CCDC68: variants seen among roughly 807,000 people sequenced by gnomAD.
CCDC68 encodes the protein coiled-coil domain-containing protein 68.
A neutral mutation model predicts 47.1 loss-of-function variants in CCDC68; 45 were observed. That is an observed-to-expected ratio of 0.96 (90% CI 0.75 to 1.23). The LOEUF (loss-of-function observed/expected upper bound fraction) is 1.23, where lower values mean the gene tolerates loss of function less well. Among genes scored for constraint, CCDC68 ranks in the 50% most tolerant of loss-of-function variants. The probability of loss-of-function intolerance (pLI) is 0.00; values close to 1 mark genes in which losing one functional copy is unlikely to be tolerated. For missense variants in CCDC68, 353 were observed against 373.6 expected (o/e 0.94, Z 0.45); for synonymous variants, 131 against 129.5 (o/e 1.01, Z -0.08).
chr18:54,914,224 GGAAA>G (rs1157429051), intron 10 of CCDC68, among the ~76,000 whole-genome samples: 6 of 152,150 alleles, frequency 3.9e-5, no homozygotes, highest in African/African-American at 1.2e-4. Flanking sequence ...CTGCTGTGAA[GGAAA>G]GATTTATCTG....
rs767678984 is a variant in CCDC68, at chr18:54,934,814, G to T, written c.600+6C>A. 2 of 1,512,912 alleles carry T rather than the reference G, an allele frequency of 1.3e-6. No individual in the cohort carries two copies. Among genetic ancestry groups the T allele is most frequent in the South Asian group, 1.4e-5 (1 of 70,930 alleles). The allele number at this position is 1,512,912 out of a possible 1,614,324, so 93.7% of individuals were successfully genotyped here. ...AAGAAAATCCTCTAATTCTCCAGGG[G>T]CGTACCTTTTCCATTCTCTGTACAA... On this transcript the variant is annotated splice_donor_region_variant and intron_variant, in intron 7 of 11. Coordinates refer to ENST00000591504, the MANE Select transcript of CCDC68 (RefSeq NM_025214.3).
rs35449564 is a variant in CCDC68 at position 54,953,551 on chromosome 18, T to TAGAGAGAG, written c.-103+5777_-103+5784dup. ...ACACACACACACACATATATATATA[T>TAGAGAGAG]AGAGAGAGAGAGATACATAGATAGA... is the stretch of plus-strand genomic sequence containing the variant. On this transcript the variant is annotated intron_variant, in intron 1 of 11. Coordinates refer to ENST00000591504, the MANE Select transcript of CCDC68 (RefSeq NM_025214.3). Among the ~76,000 whole-genome samples the TAGAGAGAG allele has an allele frequency of 3.7e-3, 564 of 150,614 alleles. 1 individual carries two copies. Among genetic ancestry groups the TAGAGAGAG allele is most frequent in the African/African-American group, 0.011 (449 of 40,992 alleles).
chr18:54,946,923 C>T (rs889754860), intron 1 of CCDC68, among the ~76,000 whole-genome samples: 1 of 142,086 alleles, frequency 7.0e-6, no homozygotes, highest in Admixed American at 6.9e-5. Context: ...TATCAATAGC[C>T]ACAGAAGACA....
chr18:54,940,222 C>A (rs2145574993), intron 4 of CCDC68, among the ~76,000 whole-genome samples: 1 of 152,302 alleles, frequency 6.6e-6, no homozygotes, highest in East Asian at 1.9e-4. Context: ...CAGTCTTCTA[C>A]CCGCAGCTCC....
chr18:54,939,551 G>A (rs2044402813), intron 4 of CCDC68, among the ~76,000 whole-genome samples: 1 of 151,974 alleles, frequency 6.6e-6, no homozygotes, highest in Non-Finnish European at 1.5e-5. Context: ...TCTCTACAGG[G>A]CCAGAGGGCT....
At chr18:54,953,567 CATAG>C (rs568111335) in intron 1 of CCDC68, among the ~76,000 whole-genome samples, 199 of 138,958 alleles carry the variant, frequency 1.4e-3, no homozygotes, top group African/African-American at 4.6e-3. Context: ...GAGAGAGATA[CATAG>C]ATAGAGAGCA....
chr18:54,941,501 A>G (rs1484023786), intron 3 of CCDC68, among the ~76,000 whole-genome samples: 1 of 151,734 alleles, frequency 6.6e-6, no homozygotes, highest in Non-Finnish European at 1.5e-5. Flanking sequence ...ACTACAAAAT[A>G]ATTACTATTA....
chr18:54,941,411 G>C (rs1360102096), intron 3 of CCDC68, among the ~76,000 whole-genome samples: 1 of 151,962 alleles, frequency 6.6e-6, no homozygotes, highest in African/African-American at 2.4e-5. Context: ...TAGTAATTTA[G>C]TACTAATTTA....
chr18:54,937,018 A>G, intron 5 of CCDC68, 60 bp from the exon 6 acceptor site: 1 of 1,571,466 alleles, frequency 6.4e-7, no homozygotes, highest in Non-Finnish European at 8.7e-7. Flanking sequence ...TAAAGGCAGA[A>G]CAGTTTGATG....
At position 54,949,462 on chromosome 18, in the gene CCDC68, A is replaced by G. The variant is rs2044578768; in HGVS notation, c.-102-3985T>C. Among the ~76,000 whole-genome samples the G allele has an allele frequency of 3.9e-5, 6 of 152,310 alleles. No homozygotes were observed. In the South Asian group the frequency reaches 1.0e-3, roughly 26 times the overall value. On this transcript the variant is annotated intron_variant, in intron 1 of 11. Coordinates refer to ENST00000591504, the MANE Select transcript of CCDC68 (RefSeq NM_025214.3). ...TAAAACAGGTCTAGCAGTGGCTATT[A>G]CGGATCCCCCAGGATTGAGGCAAAG... is the stretch of plus-strand genomic sequence containing the variant.
chr18:54,918,127 C>T (rs1599037130), intron 9 of CCDC68, 131 bp from the exon 10 acceptor site: 2 of 577,894 alleles, frequency 3.5e-6, no homozygotes, highest in Non-Finnish European at 3.0e-6. Flanking sequence ...AATCCCAAAG[C>T]ATTAGCAGAC....
In CCDC68 at chr18:54,914,416, G is replaced by A. The variant is rs530079003; in HGVS notation, c.873+3497C>T. On this transcript the variant is annotated intron_variant, in intron 10 of 11. Transcript: ENST00000591504. ...GAGGATCACCTGAGGTCAGGGGTTC[G>A]AGACCAGCCTGGCCAACATGGTGAA... is the stretch of plus-strand genomic sequence containing the variant. 5.1e-3 allele frequency among the ~76,000 whole-genome samples: 783 copies of A among 152,134 alleles called. 3 individuals are homozygous for A. Among genetic ancestry groups the A allele is most frequent in the African/African-American group, 0.018 (746 of 41,516 alleles).
chr18:54,909,799 C>T (rs1451232635), intron 10 of CCDC68, among the ~76,000 whole-genome samples: 1 of 152,208 alleles, frequency 6.6e-6, no homozygotes, highest in East Asian at 1.9e-4. Context: ...CGGTGGCACC[C>T]AGAAGCTTGG....
intron 1 of CCDC68, among the ~76,000 whole-genome samples, chr18:54,950,931 C>T (rs1160299832): frequency 1.1e-5 from 1 of 87,434 alleles, no homozygotes; most frequent in African/African-American, 4.5e-5. Flanking sequence ...TTTTTTGAGA[C>T]GGAGTCTCGC....
Position 54,903,545 on chromosome 18 carries a change from T to C in CCDC68, c.*813A>G, listed in dbSNP as rs1406518550. The C allele has an allele frequency of 6.6e-6, 1 of 152,226 alleles. No individual in the cohort carries two copies. The highest frequency in any genetic ancestry group is 1.5e-5 in the Non-Finnish European group (1 of 68,036). The allele number at this position is 152,226 out of a possible 1,614,324, so 9.4% of individuals were successfully genotyped here. A position where few individuals can be genotyped will look rare whatever the true frequency, so the allele number is the denominator to read the frequency against. ...TCATGGAAGTATGAGCTAACAGCAT[T>C]ATTTTTCTATCCCCCCAATATTTTA... On this transcript the variant is annotated 3_prime_UTR_variant, in exon 12 of 12. Transcript: ENST00000591504.
intron 4 of CCDC68, 103 bp from the exon 5 acceptor site, chr18:54,938,200 G>A (rs561228940): frequency 1.3e-4 from 138 of 1,078,924 alleles, no homozygotes; most frequent in Non-Finnish European, 1.6e-4. Flanking sequence ...AGAAGCTTCA[G>A]ATCAGCACAA....
intron 8 of CCDC68, among the ~76,000 whole-genome samples, chr18:54,922,914 G>A (rs1238415612): frequency 6.7e-6 from 1 of 149,460 alleles, no homozygotes; most frequent in East Asian, 2.0e-4. Flanking sequence ...CTTGAACCCA[G>A]GAGGTGGAGG....
intron 10 of CCDC68, 63 bp downstream of exon 10, chr18:54,917,850 C>G: frequency 2.1e-4 from 67 of 316,930 alleles, no homozygotes; most frequent in East Asian, 3.4e-4. Context: ...GACACACACA[C>G]ACACACACAC....
chr18:54,956,464 T>C (rs1466952741), intron 1 of CCDC68, among the ~76,000 whole-genome samples: 1 of 152,226 alleles, frequency 6.6e-6, no homozygotes, highest in Non-Finnish European at 1.5e-5. Context: ...TATGCTACCA[T>C]AGAAGCTGCA....
Sources: gnomAD v4.1 joint callset for allele counts (sites outside exome capture counted in the v4.1 genomes callset) on GRCh38, gnomAD v4.1.1 for gene constraint, MANE v1.5 for transcripts, NCBI Gene and HGNC (gene_info 2026-07-23, HGNC 2026-07-21) for gene names.